The following CMTM8 variants were observed in gnomAD, a reference collection of about 807,000 sequenced individuals.
CMTM8 encodes CKLF like MARVEL transmembrane domain containing 8.
In CMTM8, 12 loss-of-function variants were observed where a neutral mutation model predicts 18.6. The ratio of observed to expected loss-of-function variants is 0.65; its 90% CI spans 0.41 to 1.05. The LOEUF is 1.05. Ranked by LOEUF, CMTM8 falls within the 50% of genes least tolerant of loss-of-function variation. The pLI is 0.00. For missense variants in CMTM8, 217 were observed against 227.2 expected (o/e 0.95, Z 0.29); for synonymous variants, 87 against 90.6 (o/e 0.96, Z 0.23).
At chr3:32,258,673 C>A (rs755149246) in intron 1 of CMTM8, among the ~76,000 whole-genome samples, 30 of 152,064 alleles carry the variant, frequency 2.0e-4, no homozygotes, top group Admixed American at 3.9e-4. Flanking sequence ...CCATGCCTGG[C>A]TGATTTTTTT....
intron 1 of CMTM8, among the ~76,000 whole-genome samples, chr3:32,305,600 T>C (rs73069416): frequency 0.068 from 10,293 of 152,260 alleles, 464 homozygotes; most frequent in South Asian, 0.12. Flanking sequence ...CTACGAGCCT[T>C]AATGATCTGA....
intron 1 of CMTM8, among the ~76,000 whole-genome samples, chr3:32,327,060 G>T (rs1255863181): frequency 6.6e-6 from 1 of 151,286 alleles, no homozygotes; most frequent in African/African-American, 2.4e-5. Context: ...GGCTTCCTTA[G>T]TTGTCCTGGT....
chr3:32,357,672 C>A, intron 2 of CMTM8, 126 bp downstream of exon 2: 1 of 885,074 alleles, frequency 1.1e-6, no homozygotes, highest in Non-Finnish European at 1.7e-6. Context: ...GAGAACTCAA[C>A]ACAGCAGATA....
chr3:32,296,478 A>G (rs1702881455), intron 1 of CMTM8, among the ~76,000 whole-genome samples: 1 of 152,118 alleles, frequency 6.6e-6, no homozygotes, highest in South Asian at 2.1e-4. Context: ...GGCTCTCCTC[A>G]CTGGGGCCAG....
intron 1 of CMTM8, chr3:32,259,975 G>T: frequency 1.8e-6 from 2 of 1,125,506 alleles, no homozygotes; most frequent in East Asian, 2.4e-5. Flanking sequence ...TGCACCTGGA[G>T]TCAGAGCTGG....
intron 1 of CMTM8, among the ~76,000 whole-genome samples, chr3:32,329,279 C>G (rs1334049378): frequency 4.6e-5 from 7 of 151,998 alleles, no homozygotes; most frequent in Non-Finnish European, 1.0e-4. Flanking sequence ...TTGACCAGCC[C>G]GGTCTTGAAC....
chr3:32,344,952 A>T (rs1337880218), intron 1 of CMTM8, among the ~76,000 whole-genome samples: 1 of 152,166 alleles, frequency 6.6e-6, no homozygotes, highest in East Asian at 1.9e-4. Flanking sequence ...AATAAAGATG[A>T]TGTGAGGGTA....
intron 1 of CMTM8, among the ~76,000 whole-genome samples, chr3:32,349,665 T>C (rs1327710300): frequency 1.3e-5 from 2 of 152,152 alleles, no homozygotes; most frequent in Non-Finnish European, 2.9e-5. Context: ...GAAGCTGCTA[T>C]ACACATCCTA....
At chr3:32,269,647 A>G (rs1390744147) in intron 1 of CMTM8, among the ~76,000 whole-genome samples, 1 of 152,168 alleles carries the variant, frequency 6.6e-6, no homozygotes, top group Non-Finnish European at 1.5e-5. Flanking sequence ...TCAGTCCACA[A>G]GAGTTAGGTT....
At chr3:32,336,356 G>A (rs1373552865) in intron 1 of CMTM8, among the ~76,000 whole-genome samples, 2 of 152,226 alleles carry the variant, frequency 1.3e-5, no homozygotes, top group African/African-American at 4.8e-5. Context: ...GCTTGTACAT[G>A]TAAGATTTTA....
rs954703670 is a variant in CMTM8, at chr3:32,310,158, G to GT, written c.148-47205dup. On this transcript the variant is annotated intron_variant, in intron 1 of 3. Transcript: ENST00000307526. ...GCTGTGGATGATTTTTAAAATTGTG[G>GT]TTTTTTTTTTCTGTAAATCGAATTT... Among the ~76,000 whole-genome samples, 596 of 122,656 alleles carry GT rather than the reference G, an allele frequency of 4.9e-3. 1 individual carries two copies. The highest frequency in any genetic ancestry group is 0.018 in the African/African-American group (544 of 31,078). 80.5% of individuals were successfully genotyped at this position (122,656 alleles called of 152,430 possible). A position where few individuals can be genotyped will look rare whatever the true frequency, so the allele number is the denominator to read the frequency against.
chr3:32,360,665 G>C (rs1346890208), intron 2 of CMTM8, among the ~76,000 whole-genome samples: 1 of 152,228 alleles, frequency 6.6e-6, no homozygotes, highest in Non-Finnish European at 1.5e-5. Flanking sequence ...CAAGTGTCAG[G>C]CTGGGACTTT....
At chr3:32,359,483 G>A (rs1011142705) in intron 2 of CMTM8, among the ~76,000 whole-genome samples, 5 of 152,270 alleles carry the variant, frequency 3.3e-5, no homozygotes, top group Non-Finnish European at 7.3e-5. Flanking sequence ...CCAGCTACTC[G>A]GGAGGCTGAG....
At chr3:32,363,137 G>GA (rs1483795648) in intron 2 of CMTM8, among the ~76,000 whole-genome samples, 2 of 152,214 alleles carry the variant, frequency 1.3e-5, no homozygotes, top group Non-Finnish European at 2.9e-5. Context: ...CAATCAGTTT[G>GA]ATGGTAGGTT....
chr3:32,290,118 AAAAG>A (rs1702754054), intron 1 of CMTM8, among the ~76,000 whole-genome samples: 1 of 141,420 alleles, frequency 7.1e-6, no homozygotes, highest in Non-Finnish European at 1.5e-5. Context: ...TGTCTCAAAA[AAAAG>A]AAAAGAAAAG....
chr3:32,355,104 G>A (rs1696789521), intron 1 of CMTM8, among the ~76,000 whole-genome samples: 1 of 152,164 alleles, frequency 6.6e-6, no homozygotes, highest in Non-Finnish European at 1.5e-5. Flanking sequence ...CACCAAAACT[G>A]TACCAGGAAA....
chr3:32,332,030 C>CCA (rs1275373444), intron 1 of CMTM8, among the ~76,000 whole-genome samples: 2 of 144,510 alleles, frequency 1.4e-5, no homozygotes, highest in African/African-American at 2.6e-5. Flanking sequence ...GTTCTTTTGA[C>CCA]CACACGCGCA....
chr3:32,296,427 A>C (rs1356376875), intron 1 of CMTM8, among the ~76,000 whole-genome samples: 1 of 152,198 alleles, frequency 6.6e-6, no homozygotes, highest in East Asian at 1.9e-4. Context: ...ACAGATGGAT[A>C]GTTGAAGCGT....
chr3:32,261,845 A>T (rs1294543136), intron 1 of CMTM8, among the ~76,000 whole-genome samples: 1 of 152,202 alleles, frequency 6.6e-6, no homozygotes, highest in Non-Finnish European at 1.5e-5. Flanking sequence ...CATGAGATTC[A>T]TGGTGCCAGC....
Sources: allele counts gnomAD v4.1 joint callset (sites outside exome capture counted in the v4.1 genomes callset), GRCh38; gene constraint gnomAD v4.1.1; transcripts MANE v1.5; gene names NCBI Gene and HGNC (gene_info 2026-07-23, HGNC 2026-07-21).